ZC3H12D: variants seen among roughly 807,000 people sequenced by gnomAD.
The protein encoded by ZC3H12D is zinc finger CCCH-type containing 12D.
Under a neutral mutation model 24.2 loss-of-function variants are expected in ZC3H12D, and 11 were observed. The ratio of observed to expected loss-of-function variants is 0.46; its 90% CI spans 0.29 to 0.75. ZC3H12D has a LOEUF of 0.75. Among genes scored for constraint, ZC3H12D ranks in the 30% least tolerant of loss-of-function variants. The probability of loss-of-function intolerance (pLI) is 0.11; values close to 1 mark genes in which losing one functional copy is unlikely to be tolerated. For synonymous variants in ZC3H12D, 333 were observed against 341.8 expected, an observed-to-expected ratio of 0.97 and a Z score of 0.28; for missense variants, 740 against 767.7, an observed-to-expected ratio of 0.96 and a Z score of 0.43.
At chr6:149,458,111 C>CTTTTTT (rs57317596) in intron 3 of ZC3H12D, among the ~76,000 whole-genome samples, 3 of 80,240 alleles carry the variant, frequency 3.7e-5, no homozygotes, top group African/African-American at 1.4e-4. Context: ...CTTTCTTTTT[C>CTTTTTT]TTTTTTTTTT....
intron 1 of ZC3H12D, among the ~76,000 whole-genome samples, chr6:149,480,249 C>A (rs564137289): frequency 2.0e-5 from 3 of 152,310 alleles, no homozygotes; most frequent in South Asian, 4.1e-4. Context: ...AAGATAAGCA[C>A]GTACTTTCAA....
Position 149,449,417 on chromosome 6 carries a change from C to T in ZC3H12D, c.*1266G>A, listed in dbSNP as rs1340257289. ...TATGATCACACTACTATACTCCAGA[C>T]AGAGTGACAGAGTGAGACTCTGTCT... On this transcript the variant is annotated 3_prime_UTR_variant, in exon 6 of 6. Transcript: ENST00000409806. 6.6e-6 allele frequency: 1 copy of T among 151,876 alleles called. No individual in the cohort carries two copies. Among genetic ancestry groups the T allele is most frequent in the Non-Finnish European group, 1.5e-5 (1 of 68,048 alleles). The allele number at this position is 151,876 out of a possible 1,614,324, so 9.4% of individuals were successfully genotyped here.
rs1199800203 is a variant in ZC3H12D at position 149,447,720 on chromosome 6, C to T, written c.*2963G>A. ...CTGTCCCATCTATGTTTTTCTGTCA[C>T]AAAGACATATACTAAGACTTTGGAA... is the stretch of plus-strand genomic sequence containing the variant. On this transcript the variant is annotated 3_prime_UTR_variant, in exon 6 of 6. Transcript: ENST00000409806. The T allele has an allele frequency of 6.6e-6, 1 of 152,124 alleles. No homozygotes were observed. The highest frequency in any genetic ancestry group is 1.5e-5 in the Non-Finnish European group (1 of 68,020). The allele number at this position is 152,124 out of a possible 1,614,324, so 9.4% of individuals were successfully genotyped here.
Position 149,461,888 on chromosome 6 carries a change from T to C in ZC3H12D, c.388A>G (p.Lys130Glu). 6.2e-7 allele frequency: 1 copy of C among 1,601,384 alleles called. No homozygotes were observed. Reference protein sequence around the residue: ...WFRDRGHTYIKVFVPSWRKDP... With the variant: ...WFRDRGHTYIEVFVPSWRKDP... The stretch of plus-strand genomic sequence containing the variant: ...TTCCTCCAGGATGGAACAAAAACTT[T>C]GATGTAGGTGTGTCCTCTGTCCCTG... The change falls in exon 3 of 6, where the codon AAA becomes GAA. Residue 130 changes from lysine to glutamate, a missense_variant. Lys to Glu is a moderately conservative substitution (Grantham distance 56). Transcript: ENST00000409806.
intron 4 of ZC3H12D, among the ~76,000 whole-genome samples, chr6:149,453,718 CA>C (rs1216516354): frequency 6.6e-6 from 1 of 152,134 alleles, no homozygotes; most frequent in African/African-American, 2.4e-5. Context: ...CTGTCCTCAA[CA>C]AAAGGTTAGA....
At chr6:149,470,839 G>A (rs1776231862) in intron 2 of ZC3H12D, among the ~76,000 whole-genome samples, 2 of 152,236 alleles carry the variant, frequency 1.3e-5, no homozygotes, top group African/African-American at 4.8e-5. Context: ...CACATTTCAA[G>A]TGCTCGAACG....
Position 149,450,720 on chromosome 6 carries a change from C to T in ZC3H12D, c.1547G>A (p.Arg516Lys), listed in dbSNP as rs1775874458. ...CAGGGGCGCCCCCGCGCTCTGGCAT[C>T]TCTGTACCAGGAGGATGAGCCTGGC... is the stretch of plus-strand genomic sequence containing the variant. ...DLARLILLVQ[R>K]CQSAGAPLGK... Residue 516 changes from arginine (R) to lysine (K), a missense_variant, in exon 6 of 6, where the codon AGA (arginine) becomes AAA (lysine). By Grantham distance (26) the Arg-to-Lys change is conservative. Transcript: ENST00000409806. 1.3e-6 allele frequency: 2 copies of T among 1,545,566 alleles called. No individual in the cohort carries two copies. Among genetic ancestry groups the T allele is most frequent in the East Asian group, 4.9e-5 (2 of 40,764 alleles).
rs200879087 is a variant in ZC3H12D at position 149,456,253 on chromosome 6, AAAAATAAAAT to A, written c.680+403_680+412del. On this transcript the variant is annotated intron_variant, in intron 4 of 5. Transcript: ENST00000409806. This position sits in a 1 kb window ranked among gnomAD's most constrained non-coding sequence, Gnocchi z 4.3. Reference sequence around the variant, plus strand: ...GGTGACAGAGCAAGACTCCATCTCAAAAAATAAAATAAAATAAAATAAAATAAAATAAGAC... The same window carrying A: ...GGTGACAGAGCAAGACTCCATCTCAAAAAATAAAATAAAATAAAATAAGAC... Among the ~76,000 whole-genome samples, 67 of 150,198 alleles carry A rather than the reference AAAAATAAAAT, an allele frequency of 4.5e-4. No individual in the cohort carries two copies. Among genetic ancestry groups the A allele is most frequent in the Admixed American group, 1.1e-3 (16 of 15,166 alleles).
intron 2 of ZC3H12D, among the ~76,000 whole-genome samples, chr6:149,467,723 C>A (rs998866565): frequency 1.3e-5 from 2 of 152,200 alleles, no homozygotes; most frequent in South Asian, 2.1e-4. Context: ...CTAGGGGCAG[C>A]CCTCAAAGCC....
rs1775879215 is a variant in ZC3H12D, at chr6:149,450,895, C to T, written c.1372G>A (p.Gly458Ser). ...GAAAGTCCCCCAGTGGCGCCGTCGC[C>T]CCAGGCCGGCTCCGCCCAGACGGAG... is the stretch of plus-strand genomic sequence containing the variant. ...GRSVWAEPAW[G>S]DGATGGLSVY... is the part of the protein sequence containing the mutation. Residue 458 changes from glycine (G) to serine (S), a missense_variant, in exon 6 of 6, where the codon GGC (glycine) becomes AGC (serine). Transcript: ENST00000409806. The T allele has an allele frequency of 6.5e-7, 1 of 1,540,772 alleles. No homozygotes were observed. Among genetic ancestry groups the T allele is most frequent in the Non-Finnish European group, 8.7e-7 (1 of 1,146,414 alleles).
At position 149,447,680 on chromosome 6, in the gene ZC3H12D, G is replaced by A. The variant is rs371455053; in HGVS notation, c.*3003C>T. On this transcript the variant is annotated 3_prime_UTR_variant, in exon 6 of 6. Coordinates refer to ENST00000409806, the MANE Select transcript of ZC3H12D (RefSeq NM_207360.3). ...GCATGGTTAACAGCTATGCAACTAG[G>A]AACATTTCATTTACCTGTCCCATCT... is the stretch of plus-strand genomic sequence containing the variant. 6 of 152,158 alleles carry A rather than the reference G, an allele frequency of 3.9e-5. No homozygotes were observed. The East Asian group carries it at 9.6e-4, about 24-fold the overall frequency. 9.4% of individuals were successfully genotyped at this position (152,158 alleles called of 1,614,324 possible). A position where few individuals can be genotyped will look rare whatever the true frequency, so the allele number is the denominator to read the frequency against.
chr6:149,474,475 C>T lies in ZC3H12D; in HGVS notation c.69G>A (p.Val23=), dbSNP rs780580085. Residue 23 remains valine, a synonymous_variant, in exon 2 of 6, where the codon GTG becomes GTA. Coordinates refer to ENST00000409806, the MANE Select transcript of ZC3H12D (RefSeq NM_207360.3). Reference sequence around the variant, plus strand: ...GGGCGCCCTCGCCCAGCTTGCCCAACACCCGGAGCACATCCTCCCGGTCAT... The same window carrying T: ...GGGCGCCCTCGCCCAGCTTGCCCAATACCCGGAGCACATCCTCCCGGTCAT... The part of the protein sequence containing the change: ...LGYDREDVLR[V]LGKLGEGALV... The T allele has an allele frequency of 5.6e-4, 881 of 1,585,886 alleles. 9 individuals are homozygous for T. Among genetic ancestry groups the T allele is most frequent in the Non-Finnish European group, 3.4e-5 (40 of 1,160,484 alleles).
In ZC3H12D at chr6:149,469,882, G is replaced by T. The variant is rs565159402; in HGVS notation, c.305+4357C>A. Reference sequence around the variant, plus strand: ...AACTGCAGCCAGAGCCCGCCTCTGGGTCAGGGTCTCCTACCCTGTGGTCCT... The same window carrying T: ...AACTGCAGCCAGAGCCCGCCTCTGGTTCAGGGTCTCCTACCCTGTGGTCCT... On this transcript the variant is annotated intron_variant, in intron 2 of 5. Transcript: ENST00000409806. Among the ~76,000 whole-genome samples the T allele has an allele frequency of 4.6e-5, 7 of 152,300 alleles. No individual in the cohort carries two copies. The East Asian group carries it at 1.4e-3, about 29-fold the overall frequency.
In ZC3H12D at chr6:149,446,875, C is replaced by T. The variant is rs1360034562; in HGVS notation, c.*3808G>A. The stretch of plus-strand genomic sequence containing the variant: ...CTTGCTTCTACTCCTCAACCCCTGA[C>T]ATTCTACAGTTCTACCCCAAACCCC... On this transcript the variant is annotated 3_prime_UTR_variant, in exon 6 of 6. Transcript: ENST00000409806. The T allele has an allele frequency of 6.6e-6, 1 of 152,224 alleles. No homozygotes were observed. The highest frequency in any genetic ancestry group is 1.5e-5 in the Non-Finnish European group (1 of 68,082). 9.4% of individuals were successfully genotyped at this position (152,224 alleles called of 1,614,324 possible). A position where few individuals can be genotyped will look rare whatever the true frequency, so the allele number is the denominator to read the frequency against.
chr6:149,461,667 TG>T, intron 3 of ZC3H12D, 163 bp downstream of exon 3: 1 of 670,140 alleles, frequency 1.5e-6, no homozygotes, highest in Non-Finnish European at 2.4e-6. Context: ...GCTAGGGCTA[TG>T]GCATTGAACA....
intron 1 of ZC3H12D, among the ~76,000 whole-genome samples, chr6:149,478,166 CAAAA>C (rs34745745): frequency 8.9e-4 from 104 of 116,762 alleles, no homozygotes; most frequent in Admixed American, 3.2e-3. Context: ...GACTCCATCT[CAAAA>C]AAAAAAAAAA....
chr6:149,456,623 G>GGGGACGC lies in ZC3H12D; in HGVS notation c.680+42_680+43insGCGTCCC. 1 of 744,590 alleles carries GGGGACGC rather than the reference G, an allele frequency of 1.3e-6. No individual in the cohort carries two copies. Among genetic ancestry groups the GGGGACGC allele is most frequent in the Admixed American group, 2.2e-5 (1 of 45,560 alleles). 46.1% of individuals were successfully genotyped at this position (744,590 alleles called of 1,614,324 possible). A position where few individuals can be genotyped will look rare whatever the true frequency, so the allele number is the denominator to read the frequency against. ...GCCACTGCCTCGACCCCGGCCCCCC[G>GGGGACGC]CCCCGCCGCCCCCCAGGGTGTCAGG... is the stretch of plus-strand genomic sequence containing the variant. On this transcript the variant is annotated intron_variant, in intron 4 of 5. Coordinates refer to ENST00000409806, the MANE Select transcript of ZC3H12D (RefSeq NM_207360.3). This position sits in a 1 kb window ranked among gnomAD's most constrained non-coding sequence, Gnocchi z 4.3.
chr6:149,453,140 A>G (rs1775927487), intron 4 of ZC3H12D, among the ~76,000 whole-genome samples: 1 of 151,690 alleles, frequency 6.6e-6, no homozygotes, highest in Non-Finnish European at 1.5e-5. Context: ...AAAAAAAAAA[A>G]AAAAAAGAAA....
In ZC3H12D at chr6:149,456,657, C is replaced by T. The variant is rs1775985052; in HGVS notation, c.680+9G>A. On this transcript the variant is annotated intron_variant, in intron 4 of 5. Coordinates refer to ENST00000409806, the MANE Select transcript of ZC3H12D (RefSeq NM_207360.3). The surrounding 1 kb of genome is among the most constrained non-coding windows in gnomAD (Gnocchi z 4.3). ...CCCCCCAGGGTGTCAGGACCCCAGC[C>T]GGACCTACCGGTCGTTGACGAAGGA... is the stretch of plus-strand genomic sequence containing the variant. The T allele has an allele frequency of 1.2e-6, 2 of 1,610,644 alleles. No individual in the cohort carries two copies.
Sources: gnomAD v4.1 joint callset for allele counts (sites outside exome capture counted in the v4.1 genomes callset) on GRCh38, gnomAD v4.1.1 for gene constraint, Gnocchi (gnomAD v3.1) non-coding constraint, MANE v1.5 for transcripts, NCBI Gene and HGNC (gene_info 2026-07-23, HGNC 2026-07-21) for gene names.